TMEM74: variants seen among roughly 807,000 people sequenced by gnomAD.
The protein encoded by TMEM74 is transmembrane protein 74.
A neutral mutation model predicts 18.1 loss-of-function variants in TMEM74; 13 were observed. The observed-to-expected ratio is 0.72, with a 90% CI of 0.47 to 1.14. The LOEUF (loss-of-function observed/expected upper bound fraction) is 1.14. TMEM74 is among the 50% of genes most tolerant of loss of function. TMEM74 has a pLI of 0.00. For missense variants in TMEM74, 372 were observed against 375.9 expected (o/e 0.99, Z 0.09); for synonymous variants, 159 against 146.6 (o/e 1.08, Z -0.61).
intron 1 of TMEM74, among the ~76,000 whole-genome samples, chr8:108,767,459 A>G (rs576497219): frequency 1.2e-4 from 18 of 152,312 alleles, no homozygotes; most frequent in African/African-American, 4.3e-4. Context: ...GCTTTTAAAT[A>G]GGGTCAATAT....
At chr8:108,705,797 G>A (rs540519047) in intron 1 of TMEM74, among the ~76,000 whole-genome samples, 2 of 152,320 alleles carry the variant, frequency 1.3e-5, no homozygotes, top group Non-Finnish European at 1.5e-5. Flanking sequence ...AAGGAGTTCA[G>A]TGAGAGTGTT....
intron 2 of TMEM74, among the ~76,000 whole-genome samples, chr8:108,649,150 CT>C (rs1563740196): frequency 6.6e-6 from 1 of 152,096 alleles, no homozygotes; most frequent in Non-Finnish European, 1.5e-5. Flanking sequence ...GAACTTGTTT[CT>C]GCTTTCAAAG....
At chr8:108,676,556 C>G (rs1813058210) in intron 1 of TMEM74, among the ~76,000 whole-genome samples, 1 of 152,160 alleles carries the variant, frequency 6.6e-6, no homozygotes, top group Non-Finnish European at 1.5e-5. Context: ...TGTCATAATC[C>G]TATCTAAAAT....
chr8:108,746,691 C>A (rs1216484736), intron 1 of TMEM74, among the ~76,000 whole-genome samples: 1 of 152,030 alleles, frequency 6.6e-6, no homozygotes, highest in Non-Finnish European at 1.5e-5. Context: ...GGGGAACAAA[C>A]CATGTGATCA....
chr8:108,744,072 T>A (rs1813826220), intron 1 of TMEM74, among the ~76,000 whole-genome samples: 1 of 152,146 alleles, frequency 6.6e-6, no homozygotes, highest in African/African-American at 2.4e-5. Context: ...GTGCAACATT[T>A]CCTCTTATTT....
intron 1 of TMEM74, among the ~76,000 whole-genome samples, chr8:108,702,707 TG>T (rs1813349401): frequency 6.6e-6 from 1 of 152,020 alleles, no homozygotes; most frequent in African/African-American, 2.4e-5. Context: ...ACCCATTAAC[TG>T]GTCATTTAAC....
At chr8:108,708,254 CT>C (rs35851810) in intron 1 of TMEM74, among the ~76,000 whole-genome samples, 64,767 of 143,076 alleles carry the variant, frequency 0.45, 14,838 homozygotes, top group East Asian at 0.78. Context: ...TATGTAACAC[CT>C]TTTTTTTTTT....
At chr8:108,731,458 T>C (rs146981862) in intron 1 of TMEM74, among the ~76,000 whole-genome samples, 2 of 152,324 alleles carry the variant, frequency 1.3e-5, no homozygotes, top group African/African-American at 4.8e-5. Context: ...CATTTCTGCC[T>C]GCCAAAGCAT....
intron 1 of TMEM74, among the ~76,000 whole-genome samples, chr8:108,718,548 T>C (rs1813552324): frequency 1.3e-5 from 2 of 152,132 alleles, no homozygotes; most frequent in African/African-American, 4.8e-5. Context: ...GAAGAGCTAA[T>C]TAGTGATAAC....
At chr8:108,635,591 C>T (rs1586242097) in intron 2 of TMEM74, among the ~76,000 whole-genome samples, 1 of 152,018 alleles carries the variant, frequency 6.6e-6, no homozygotes, top group African/African-American at 2.4e-5. Context: ...TCATTCACCT[C>T]GCCAACACTG....
intron 2 of TMEM74, among the ~76,000 whole-genome samples, chr8:108,630,746 T>G (rs145494888): frequency 0.016 from 2,380 of 152,068 alleles, 71 homozygotes; most frequent in African/African-American, 0.054. Flanking sequence ...AATAATGAAA[T>G]TAAGGCAGAA....
intron 1 of TMEM74, among the ~76,000 whole-genome samples, chr8:108,670,611 T>C (rs1812995180): frequency 6.6e-6 from 1 of 152,176 alleles, no homozygotes; most frequent in Non-Finnish European, 1.5e-5. Context: ...AGATCTTTAA[T>C]AAAACTGGCT....
intron 1 of TMEM74, among the ~76,000 whole-genome samples, chr8:108,695,489 A>G (rs1813272991): frequency 6.6e-6 from 1 of 152,224 alleles, no homozygotes; most frequent in Non-Finnish European, 1.5e-5. Flanking sequence ...TATCTTCACA[A>G]TGACTCTATG....
chr8:108,629,850 T>G (rs1477650032), intron 2 of TMEM74, among the ~76,000 whole-genome samples: 1 of 151,792 alleles, frequency 6.6e-6, no homozygotes, highest in Non-Finnish European at 1.5e-5. Context: ...AATATGGAAA[T>G]GAAAAACTGG....
chr8:108,722,180 C>T (rs1216435593), intron 1 of TMEM74, among the ~76,000 whole-genome samples: 1 of 152,186 alleles, frequency 6.6e-6, no homozygotes. Flanking sequence ...GAATAATCTT[C>T]CCATAGCAAG....
chr8:108,625,410 C>T (rs994888437), intron 2 of TMEM74, among the ~76,000 whole-genome samples: 4 of 152,020 alleles, frequency 2.6e-5, no homozygotes, highest in Non-Finnish European at 5.9e-5. Flanking sequence ...TAAATACTAA[C>T]ATATTTCTTT....
At chr8:108,722,833 T>A (rs1260134859) in intron 1 of TMEM74, among the ~76,000 whole-genome samples, 2 of 152,218 alleles carry the variant, frequency 1.3e-5, no homozygotes, top group East Asian at 3.9e-4. Flanking sequence ...CATATTACTA[T>A]CATGGCTAAG....
intron 1 of TMEM74, among the ~76,000 whole-genome samples, chr8:108,689,280 G>A (rs572202429): frequency 6.6e-6 from 1 of 152,248 alleles, no homozygotes; most frequent in African/African-American, 2.4e-5. Context: ...CATGTGTTCT[G>A]CCTTCTTACA....
chr8:108,702,809 G>A (rs1813350631), intron 1 of TMEM74, among the ~76,000 whole-genome samples: 1 of 127,104 alleles, frequency 7.9e-6, no homozygotes, highest in Admixed American at 1.0e-4. Context: ...ATATCAAAAA[G>A]ACAATCCATG....
Sources: allele counts gnomAD v4.1 joint callset (sites outside exome capture counted in the v4.1 genomes callset), GRCh38; gene constraint gnomAD v4.1.1; transcripts MANE v1.5; gene names NCBI Gene and HGNC (gene_info 2026-07-23, HGNC 2026-07-21).